Variants in MRPL4 observed in about 807,000 individuals in gnomAD.
MRPL4 encodes the protein large ribosomal subunit protein uL4m.
A neutral mutation model predicts 34.1 loss-of-function variants in MRPL4; 34 were observed. The observed-to-expected ratio is 1.00, with a 90% CI of 0.76 to 1.33. MRPL4 has a LOEUF of 1.33. Among genes scored for constraint, MRPL4 ranks in the 40% most tolerant of loss-of-function variants. The pLI is 0.00. For synonymous variants in MRPL4, 196 were observed against 188.3 expected (o/e 1.04, Z -0.33); for missense variants, 402 against 434.6 (o/e 0.92, Z 0.67).
rs753595242 is a variant in MRPL4, at chr19:10,258,772, T to G, written c.739+87T>G. 1.6e-5 allele frequency: 25 copies of G among 1,611,706 alleles called. No homozygotes were observed. The Admixed American group carries it at 4.0e-4, about 26-fold the overall frequency. On this transcript the variant is annotated intron_variant, in intron 8 of 8. Coordinates refer to ENST00000253099, the MANE Select transcript of MRPL4 (RefSeq NM_015956.3). ...CGGTTCAAATCCGGCATCTGGTCGCTGAGTGGCCTCAGGCAGTGACCACGC... is the reference window on the plus strand; with the variant it reads ...CGGTTCAAATCCGGCATCTGGTCGCGGAGTGGCCTCAGGCAGTGACCACGC...
Position 10,252,451 on chromosome 19 carries a change from G to T in MRPL4, c.112G>T (p.Val38Leu). The change falls in exon 2 of 9, where the codon GTG becomes TTG. Residue 38 changes from valine (V) to leucine (L), a missense_variant. By Grantham distance (32) the Val-to-Leu change is conservative. Coordinates refer to ENST00000253099, the MANE Select transcript of MRPL4 (RefSeq NM_015956.3). ...GCGTGCGACCGAGAACCCGGAGCAG[G>T]TGGCGAGCGAGGGTAAGGCAACCGG... ...AARATENPEQ[V>L]ASEGLPEPVL... The T allele has an allele frequency of 6.2e-7, 1 of 1,614,086 alleles. No homozygotes were observed.
Position 10,259,852 on chromosome 19 carries a change from C to T in MRPL4, c.*39C>T, listed in dbSNP as rs1453779333. On this transcript the variant is annotated 3_prime_UTR_variant, in exon 9 of 9. Transcript: ENST00000253099. ...TTCTGAGCCAGGCCGAGCCCCTGGC[C>T]GACTTGGGAGCCTCAGGCCCACGCC... 5.8e-6 allele frequency: 9 copies of T among 1,553,744 alleles called. No homozygotes were observed. Among genetic ancestry groups the T allele is most frequent in the East Asian group, 2.3e-5 (1 of 43,038 alleles).
chr19:10,252,813 C>CA, intron 3 of MRPL4, 112 bp downstream of exon 3: 1 of 1,379,230 alleles, frequency 7.3e-7, no homozygotes, highest in Non-Finnish European at 9.7e-7. Flanking sequence ...ATTTCTACAG[C>CA]CTCCGTTTCT....
At position 10,259,649 on chromosome 19, in the gene MRPL4, A is replaced by T. The variant is rs1018842598; in HGVS notation, c.772A>T (p.Thr258Ser). The T allele has an allele frequency of 1.4e-6, 2 of 1,430,282 alleles. No individual in the cohort carries two copies. The highest frequency in any genetic ancestry group is 1.9e-5 in the Admixed American group (1 of 52,142). The allele number at this position is 1,430,282 out of a possible 1,614,324, so 88.6% of individuals were successfully genotyped here. Residue 258 changes from threonine (T) to serine (S), a missense_variant, in exon 9 of 9, where the codon ACG (threonine) becomes TCG (serine). By Grantham distance (58) the Thr-to-Ser change is moderately conservative (BLOSUM62 1). Transcript: ENST00000253099. ...TGTGCACAGCATGCTCAAGCACCAG[A>T]CGCTGGTCCTGACGCTGCCCACCGT... ...LNVHSMLKHQ[T>S]LVLTLPTVAF...
chr19:10,252,285 C>A lies in MRPL4; in HGVS notation c.32C>A (p.Ala11Asp). The A allele has an allele frequency of 6.2e-7, 1 of 1,609,134 alleles. No homozygotes were observed. Among genetic ancestry groups the A allele is most frequent in the Non-Finnish European group, 8.5e-7 (1 of 1,177,972 alleles). MLQFVRAGARAWLRPTGSQGL... is the reference protein window; with the variant it reads MLQFVRAGARDWLRPTGSQGL... The stretch of plus-strand genomic sequence containing the variant: ...CAGTTCGTCCGGGCCGGGGCGCGGG[C>A]CTGGCTTCGGCCTACCGGCAGCCAG... The change falls in exon 1 of 9, where the codon GCC (alanine) becomes GAC (aspartate). Residue 11 changes from alanine to aspartate, a missense_variant. Physicochemically the swap from Ala to Asp is moderately radical, Grantham distance 126. Coordinates refer to ENST00000253099, the MANE Select transcript of MRPL4 (RefSeq NM_015956.3).
intron 8 of MRPL4, 81 bp downstream of exon 8, chr19:10,258,766 G>T: frequency 1.2e-6 from 2 of 1,612,348 alleles, no homozygotes; most frequent in South Asian, 1.1e-5. Flanking sequence ...TCCGGCATCT[G>T]GTCGCTGAGT....
rs201711265 is a variant in MRPL4, at chr19:10,258,488, C to T, written c.628C>T (p.Arg210Cys). The T allele has an allele frequency of 2.0e-5, 33 of 1,614,098 alleles. No individual in the cohort carries two copies. Among genetic ancestry groups the T allele is most frequent in the Middle Eastern group, 1.6e-4 (1 of 6,062 alleles). Residue 210 changes from arginine (R) to cysteine (C), a missense_variant, in exon 7 of 9, where the codon CGC becomes TGC. Coordinates refer to ENST00000253099, the MANE Select transcript of MRPL4 (RefSeq NM_015956.3). ...PQYLTELAHY[R>C]RWGDSVLLVD... ...GTACCTGACAGAGCTGGCGCACTAC[C>T]GCCGCTGGGGGGACTCCGTACTCCT...
In MRPL4 at chr19:10,258,494, T is replaced by G. The variant is rs770597919; in HGVS notation, c.634T>G (p.Trp212Gly). Residue 212 changes from tryptophan to glycine, a missense_variant, in exon 7 of 9, where the codon TGG becomes GGG. Physicochemically the swap from Trp to Gly is radical, Grantham distance 184 (BLOSUM62 -2). Transcript: ENST00000253099. ...GACAGAGCTGGCGCACTACCGCCGC[T>G]GGGGGGACTCCGTACTCCTCGTGGA... is the stretch of plus-strand genomic sequence containing the variant. ...YLTELAHYRR[W>G]GDSVLLVDLT... 2.5e-6 allele frequency: 4 copies of G among 1,613,440 alleles called. No homozygotes were observed. Among genetic ancestry groups the G allele is most frequent in the Non-Finnish European group, 1.7e-6 (2 of 1,179,926 alleles).
At chr19:10,253,196 C>T (rs971943172) in intron 3 of MRPL4, among the ~76,000 whole-genome samples, 5 of 151,922 alleles carry the variant, frequency 3.3e-5, no homozygotes, top group African/African-American at 1.2e-4. Flanking sequence ...TAGGGGCCAC[C>T]CTGGGCGCAG....
chr19:10,258,669 C>T lies in MRPL4; in HGVS notation c.723C>T (p.Asn241=), dbSNP rs1190592341. The change falls in exon 8 of 9, where the codon AAC becomes AAT. Residue 241 remains asparagine, a synonymous_variant. Coordinates refer to ENST00000253099, the MANE Select transcript of MRPL4 (RefSeq NM_015956.3). The part of the protein sequence containing the change: ...VEATSRLKTF[N]LIPAVGLNVH... Reference sequence around the variant, plus strand: ...CCACCTCTAGGCTTAAGACCTTCAACTTGATCCCGGCTGTTGGTGAGCAAA... The same window carrying T: ...CCACCTCTAGGCTTAAGACCTTCAATTTGATCCCGGCTGTTGGTGAGCAAA... 3.7e-6 allele frequency: 6 copies of T among 1,614,178 alleles called. No individual in the cohort carries two copies. In the South Asian group the frequency reaches 5.5e-5, roughly 15 times the overall value.
At position 10,259,821 on chromosome 19, in the gene MRPL4, C is replaced by T; in HGVS notation, c.*8C>T. 6.3e-7 allele frequency: 1 copy of T among 1,599,210 alleles called. No individual in the cohort carries two copies. The highest frequency in any genetic ancestry group is 1.3e-5 in the African/African-American group (1 of 74,612). On this transcript the variant is annotated 3_prime_UTR_variant, in exon 9 of 9. Coordinates refer to ENST00000253099, the MANE Select transcript of MRPL4 (RefSeq NM_015956.3). ...ACCCCGTACCACTGTTGATGTGAAGCACCTCTTCTGAGCCAGGCCGAGCCC... is the reference window on the plus strand; with the variant it reads ...ACCCCGTACCACTGTTGATGTGAAGTACCTCTTCTGAGCCAGGCCGAGCCC...
intron 3 of MRPL4, 183 bp downstream of exon 3, chr19:10,252,884 C>A (rs2039808808): frequency 1.1e-6 from 1 of 906,020 alleles, no homozygotes; most frequent in Non-Finnish European, 1.6e-6. Flanking sequence ...GAGATTGAAG[C>A]CTGAGAGGTG....
At chr19:10,253,470 C>CAAAAA (rs571009042) in intron 3 of MRPL4, among the ~76,000 whole-genome samples, 5 of 102,982 alleles carry the variant, frequency 4.9e-5, no homozygotes, top group Admixed American at 1.2e-4. Context: ...CACTCTGTCT[C>CAAAAA]AAAAAAAAAA....
chr19:10,251,990 C>G, upstream of MRPL4: 1 of 524,170 alleles, frequency 1.9e-6, no homozygotes. Flanking sequence ...CCTACGGAAG[C>G]TGGGTCTTCT....
In MRPL4 at chr19:10,252,389, C is replaced by G. The variant is rs368747706; in HGVS notation, c.58-8C>G. On this transcript the variant is annotated splice_region_variant and splice_polypyrimidine_tract_variant and intron_variant, in intron 1 of 8. Coordinates refer to ENST00000253099, the MANE Select transcript of MRPL4 (RefSeq NM_015956.3). ...GGGTCGTCTCTCACTTTCGCCCAAC[C>G]CTTGCAGGGCCTGAGTTCCCTGGCG... The G allele has an allele frequency of 1.2e-6, 2 of 1,614,088 alleles. No homozygotes were observed. The highest frequency in any genetic ancestry group is 1.7e-6 in the Non-Finnish European group (2 of 1,179,960).
At chr19:10,257,644 C>T (rs1246313528) in intron 5 of MRPL4, among the ~76,000 whole-genome samples, 1 of 152,032 alleles carries the variant, frequency 6.6e-6, no homozygotes, top group Non-Finnish European at 1.5e-5. Context: ...TGTTGTTGCT[C>T]CCAGATCATA....
At chr19:10,259,382 GACCGAGCCTGGCT>G in intron 8 of MRPL4, 2 of 1,403,366 alleles carry the variant, frequency 1.4e-6, no homozygotes, top group Non-Finnish European at 1.8e-6. Context: ...CCAGGCACAG[GACCGAGCCTGGCT>G]CTCGGTCAGC....
In MRPL4 at chr19:10,259,880, C is replaced by T; in HGVS notation, c.*67C>T. ...CTTGGGAGCCTCAGGCCCACGCCCA[C>T]CCTTCGAGGAAGGTGTCACCTGGAC... On this transcript the variant is annotated 3_prime_UTR_variant, in exon 9 of 9. Transcript: ENST00000253099. 7.1e-7 allele frequency: 1 copy of T among 1,406,984 alleles called. No homozygotes were observed. Among genetic ancestry groups the T allele is most frequent in the South Asian group, 1.3e-5 (1 of 75,698 alleles). The allele number at this position is 1,406,984 out of a possible 1,614,324, so 87.2% of individuals were successfully genotyped here.
rs2039829943 is a variant in MRPL4, at chr19:10,254,487, C to T, written c.276-102C>T. The T allele has an allele frequency of 1.5e-5, 21 of 1,410,524 alleles. No homozygotes were observed. In the Admixed American group the frequency reaches 2.4e-4, roughly 16 times the overall value. The allele number at this position is 1,410,524 out of a possible 1,614,324, so 87.4% of individuals were successfully genotyped here. ...TCAGTGAGGGGCAGAGGCAAATCGC[C>T]CAGGGCCCTGGAGGCAGAAGGGAGA... On this transcript the variant is annotated intron_variant, in intron 3 of 8. Coordinates refer to ENST00000253099, the MANE Select transcript of MRPL4 (RefSeq NM_015956.3).
Sources: allele counts gnomAD v4.1 joint callset (sites outside exome capture counted in the v4.1 genomes callset), GRCh38; gene constraint gnomAD v4.1.1; transcripts MANE v1.5; gene names NCBI Gene and HGNC (gene_info 2026-07-23, HGNC 2026-07-21).